Variants in CELF2 observed in about 807,000 individuals in gnomAD.
CELF2 encodes the protein CUG triplet repeat RNA-binding protein 2.
In CELF2, 8 loss-of-function variants were observed where a neutral mutation model predicts 62.6. The ratio of observed to expected loss-of-function variants is 0.13; its 90% CI spans 0.07 to 0.23. The LOEUF is 0.23. Among genes scored for constraint, CELF2 ranks in the 10% least tolerant of loss-of-function variants. The pLI is 1.00. For missense variants in CELF2, 333 were observed against 671.0 expected (o/e 0.50, Z 5.56); for synonymous variants, 258 against 250.0 (o/e 1.03, Z -0.30).
intron 2 of CELF2, among the ~76,000 whole-genome samples, chr10:10,994,553 A>G (rs1281872866): frequency 1.3e-5 from 2 of 152,168 alleles, no homozygotes; most frequent in African/African-American, 4.8e-5. Context: ...TGCTTGCATT[A>G]CTGCTTGAGC....
chr10:10,501,935 G>C, the CELF2 span, among the ~76,000 whole-genome samples: 1 of 152,108 alleles, frequency 6.6e-6, no homozygotes, highest in African/African-American at 2.4e-5. Flanking sequence ...AAGCAAAGAA[G>C]TTGCCCCCTA....
At chr10:10,818,977 C>T (rs1440357693) in intron 1 of CELF2, among the ~76,000 whole-genome samples, 1 of 152,154 alleles carries the variant, frequency 6.6e-6, no homozygotes, top group Non-Finnish European at 1.5e-5. Flanking sequence ...TCAACTGAAA[C>T]TTAATAGTAT....
chr10:11,235,402 G>C (rs1016911962), intron 3 of CELF2, among the ~76,000 whole-genome samples: 1 of 152,128 alleles, frequency 6.6e-6, no homozygotes, highest in Non-Finnish European at 1.5e-5. Flanking sequence ...ATATCTGAAG[G>C]CCTAATCCTT....
chr10:10,682,941 T>C, the CELF2 span, among the ~76,000 whole-genome samples: 2,420 of 152,236 alleles, frequency 0.016, 30 homozygotes, highest in African/African-American at 0.035. Context: ...ATGAACTCCA[T>C]CACTCCTGGA....
chr10:10,508,660 ATGTGTGTG>A, the CELF2 span, among the ~76,000 whole-genome samples: 51,064 of 140,758 alleles, frequency 0.36, 9,806 homozygotes, highest in East Asian at 0.65. Context: ...TCTTAAACAG[ATGTGTGTG>A]TGTGTGTGTG....
chr10:10,796,173 A>T (rs1177713973), upstream of CELF2, among the ~76,000 whole-genome samples: 1 of 152,180 alleles, frequency 6.6e-6, no homozygotes, highest in African/African-American at 2.4e-5. Flanking sequence ...CAGTGCCCTG[A>T]GAGCTCAGAC....
the CELF2 span, among the ~76,000 whole-genome samples, chr10:10,688,576 A>G: frequency 6.6e-6 from 1 of 152,216 alleles, no homozygotes; most frequent in Non-Finnish European, 1.5e-5. Context: ...AGGGACCTCA[A>G]TGCATTACTC....
intron 2 of CELF2, among the ~76,000 whole-genome samples, chr10:10,960,953 C>T (rs921546855): frequency 1.3e-5 from 2 of 152,222 alleles, no homozygotes; most frequent in African/African-American, 4.8e-5. Flanking sequence ...CCAGCATTCT[C>T]TTTGGCTAAA....
At chr10:10,755,122 C>G in the CELF2 span, among the ~76,000 whole-genome samples, 1 of 152,138 alleles carries the variant, frequency 6.6e-6, no homozygotes, top group African/African-American at 2.4e-5. Context: ...TAAGAGGTGG[C>G]AAAATGCAGG....
chr10:11,219,459 G>A (rs763490806), intron 3 of CELF2, among the ~76,000 whole-genome samples: 1 of 152,184 alleles, frequency 6.6e-6, no homozygotes, highest in Non-Finnish European at 1.5e-5. Context: ...TTTGGGAGCT[G>A]GAAAAGTTGG....
chr10:10,578,812 G>A, the CELF2 span, among the ~76,000 whole-genome samples: 17 of 152,234 alleles, frequency 1.1e-4, no homozygotes, highest in Non-Finnish European at 2.2e-4. Context: ...ACATCTTGAC[G>A]TTAATTCTTC....
At chr10:11,100,907 G>C (rs943590974) in intron 1 of CELF2, among the ~76,000 whole-genome samples, 2 of 152,158 alleles carry the variant, frequency 1.3e-5, no homozygotes, top group African/African-American at 4.8e-5. Flanking sequence ...AACAAAATCC[G>C]CATTAGGATG....
Position 10,947,809 on chromosome 10 carries a change from C to A in CELF2, c.89+27810C>A, listed in dbSNP as rs1174384114. On this transcript the variant is annotated intron_variant, in intron 2 of 13. Transcript: ENST00000636488. The surrounding 1 kb of genome is among the most constrained non-coding windows in gnomAD (Gnocchi z 4.1). The stretch of plus-strand genomic sequence containing the variant: ...GCATTTGAGGAGAGAGAAAATGCTT[C>A]TAGTATGGGGCCATAGGAAAGTCTT... Among the ~76,000 whole-genome samples the A allele has an allele frequency of 2.0e-5, 3 of 152,120 alleles. No homozygotes were observed. The highest frequency in any genetic ancestry group is 6.5e-5 in the Admixed American group (1 of 15,268).
intron 1 of CELF2, among the ~76,000 whole-genome samples, chr10:10,875,801 C>A (rs1336856222): frequency 1.3e-5 from 2 of 152,230 alleles, no homozygotes; most frequent in Non-Finnish European, 2.9e-5. Context: ...ACTCTCCATA[C>A]ATCTCTTCCC....
intron 1 of CELF2, among the ~76,000 whole-genome samples, chr10:11,094,592 A>G (rs1446785531): frequency 6.6e-6 from 1 of 152,224 alleles, no homozygotes; most frequent in African/African-American, 2.4e-5. Context: ...GGAAGGGGAA[A>G]AAAAGCAAAA....
chr10:10,564,682 GCACACACACACACACA>G, the CELF2 span, among the ~76,000 whole-genome samples: 1 of 130,692 alleles, frequency 7.7e-6, no homozygotes, highest in Non-Finnish European at 1.7e-5. Context: ...ACGCACACAC[GCACACACACACACACA>G]CACACACACA....
At position 11,305,911 on chromosome 10, in the gene CELF2, C is replaced by G. The variant is rs2094168347; in HGVS notation, c.977-8228C>G. On this transcript the variant is annotated intron_variant, in intron 9 of 12. Transcript: ENST00000633077. The surrounding 1 kb of genome is among the most constrained non-coding windows in gnomAD (Gnocchi z 4.8). ...TGGACCACCTCGCTTTTCCTGTTCT[C>G]CACACCCCACCCTGCCCCACAAACA... Among the ~76,000 whole-genome samples the G allele has an allele frequency of 6.6e-6, 1 of 152,220 alleles. No homozygotes were observed. The highest frequency in any genetic ancestry group is 1.5e-5 in the Non-Finnish European group (1 of 68,044).
At chr10:10,807,510 C>T (rs1341113318) in intron 1 of CELF2, among the ~76,000 whole-genome samples, 1 of 151,894 alleles carries the variant, frequency 6.6e-6, no homozygotes, top group Non-Finnish European at 1.5e-5. Flanking sequence ...TTTTTTTTTG[C>T]ACCTGTGCAA....
At chr10:11,048,902 A>C (rs1406361554) in intron 1 of CELF2, among the ~76,000 whole-genome samples, 1 of 152,242 alleles carries the variant, frequency 6.6e-6, no homozygotes, top group Admixed American at 6.5e-5. Flanking sequence ...GACAGGGAGC[A>C]CAACATCATT....
Sources: allele counts gnomAD v4.1 joint callset (sites outside exome capture counted in the v4.1 genomes callset), GRCh38; gene constraint gnomAD v4.1.1; non-coding constraint Gnocchi (gnomAD v3.1); transcripts MANE v1.5; gene names NCBI Gene and HGNC (gene_info 2026-07-23, HGNC 2026-07-21).